Variants in DOCK7 observed in about 807,000 individuals in gnomAD.
DOCK7 encodes the protein dedicator of cytokinesis protein 7.
Under a neutral mutation model 271.0 loss-of-function variants are expected in DOCK7, and 138 were observed. That is an observed-to-expected ratio of 0.51 (90% confidence interval 0.44 to 0.59). DOCK7 has a LOEUF of 0.59. Among genes scored for constraint, DOCK7 ranks in the 20% least tolerant of loss-of-function variants. The probability of loss-of-function intolerance (pLI) is 0.00; values close to 1 mark genes in which losing one functional copy is unlikely to be tolerated. For missense variants in DOCK7, 2,066 were observed against 2,592.4 expected, an observed-to-expected ratio of 0.80 and a Z score of 4.41; for synonymous variants, 823 against 876.1, an observed-to-expected ratio of 0.94 and a Z score of 1.07.
intron 44 of DOCK7, 92 bp from the exon 45 acceptor site, chr1:62,476,248 A>T (rs1255941397): frequency 1.2e-6 from 1 of 816,170 alleles, no homozygotes; most frequent in Admixed American, 2.6e-5. Flanking sequence ...AAATTAGGAG[A>T]ATTAGTGAGT....
At chr1:62,464,671 G>T (rs977053748) in intron 48 of DOCK7, among the ~76,000 whole-genome samples, 2 of 151,334 alleles carry the variant, frequency 1.3e-5, no homozygotes, top group Admixed American at 6.6e-5. Flanking sequence ...GACAGAGAGA[G>T]AATCCATCCC....
At chr1:62,602,152 T>C in intron 14 of DOCK7, 1 of 751,340 alleles carries the variant, frequency 1.3e-6, no homozygotes, top group Non-Finnish European at 2.1e-6. Context: ...TAATAAATAA[T>C]AAAATGTATT....
intron 23 of DOCK7, among the ~76,000 whole-genome samples, chr1:62,544,652 C>T (rs1645642194): frequency 6.6e-6 from 1 of 151,918 alleles, no homozygotes; most frequent in African/African-American, 2.4e-5. Flanking sequence ...ACGTGCTACC[C>T]CTAAAGAAGA....
chr1:62,591,322 GA>G lies in DOCK7; in HGVS notation c.1683-4699del, dbSNP rs1648412234. On this transcript the variant is annotated intron_variant, in intron 14 of 49. Coordinates refer to ENST00000635253, the MANE Select transcript of DOCK7 (RefSeq NM_001367561.1). ...ATAAGAACTTATGAACACAAAGAAG[GA>G]AAAAACAGACACAGGGGTCTACCTG... Among the ~76,000 whole-genome samples the G allele has an allele frequency of 2.0e-5, 3 of 152,072 alleles. No individual in the cohort carries two copies. In the South Asian group the frequency reaches 6.2e-4, roughly 32 times the overall value.
chr1:62,510,481 T>C, intron 34 of DOCK7, 96 bp downstream of exon 34: 2 of 819,244 alleles, frequency 2.4e-6, no homozygotes, highest in Middle Eastern at 3.1e-4. Context: ...TAAGTGTAAA[T>C]ACTAAATGTA....
Position 62,513,869 on chromosome 1 carries a change from T to C in DOCK7, c.3966A>G (p.Ala1322=). 1 of 1,614,014 alleles carries C rather than the reference T, an allele frequency of 6.2e-7. No individual in the cohort carries two copies. Among genetic ancestry groups the C allele is most frequent in the Non-Finnish European group, 8.5e-7 (1 of 1,179,944 alleles). Residue 1322 remains alanine, a synonymous_variant, in exon 32 of 50, where the codon GCA becomes GCG. Transcript: ENST00000635253. ...AGATCAAAAGGCTTCGACTTGATTC[T>C]GCTGAAAAGGTAGTGTGTTGCCTGC... is the stretch of plus-strand genomic sequence containing the variant. ...TSGRQHTTFS[A]ESSRSLLICL...
intron 14 of DOCK7, chr1:62,603,931 CTTAA>C (rs1650532072): frequency 6.2e-7 from 1 of 1,601,560 alleles, no homozygotes; most frequent in African/African-American, 1.3e-5. Flanking sequence ...CCAACCTGTA[CTTAA>C]TAACTCACAG....
At chr1:62,490,139 T>C (rs1646419605) in intron 41 of DOCK7, among the ~76,000 whole-genome samples, 2 of 150,248 alleles carry the variant, frequency 1.3e-5, no homozygotes, top group South Asian at 4.2e-4. Context: ...GGTGTGATCA[T>C]AGCTCACTAC....
chr1:62,588,086 T>C (rs531791872), intron 14 of DOCK7, among the ~76,000 whole-genome samples: 1 of 152,042 alleles, frequency 6.6e-6, no homozygotes, highest in Non-Finnish European at 1.5e-5. Flanking sequence ...TCAAAACATA[T>C]AAAAGGCAAA....
rs1462974519 is a variant in DOCK7 at position 62,688,281 on chromosome 1, G to GTGA, written c.-18_-17insTCA. On this transcript the variant is annotated 5_prime_UTR_variant, in exon 1 of 50. Transcript: ENST00000635253. Reference sequence around the variant, plus strand: ...CTCGGCCATGGCTGCTGCGGCGACGGCGACGGCGGCGGCGGCTGCGGCGGG... The same window carrying GTGA: ...CTCGGCCATGGCTGCTGCGGCGACGGTGACGACGGCGGCGGCGGCTGCGGCGGG... 2.4e-5 allele frequency: 30 copies of GTGA among 1,273,868 alleles called. 1 individual carries two copies. The highest frequency in any genetic ancestry group is 2.4e-4 in the African/African-American group (15 of 63,804). The allele number at this position is 1,273,868 out of a possible 1,614,324, so 78.9% of individuals were successfully genotyped here. A position where few individuals can be genotyped will look rare whatever the true frequency, so the allele number is the denominator to read the frequency against.
intron 43 of DOCK7, chr1:62,484,859 G>C (rs1335319105): frequency 6.6e-6 from 1 of 152,010 alleles, no homozygotes; most frequent in Non-Finnish European, 1.5e-5. Context: ...ATGCTTTTAG[G>C]CTGGGCATGG....
At chr1:62,574,337 G>A (rs1344592963) in intron 18 of DOCK7, among the ~76,000 whole-genome samples, 4 of 152,134 alleles carry the variant, frequency 2.6e-5, no homozygotes, top group Non-Finnish European at 5.9e-5. Flanking sequence ...ATTCTTGCTG[G>A]AGAAAACTGT....
chr1:62,480,472 G>T (rs1646088213), intron 43 of DOCK7, among the ~76,000 whole-genome samples: 1 of 152,052 alleles, frequency 6.6e-6, no homozygotes, highest in Non-Finnish European at 1.5e-5. Context: ...AAAACAAAGG[G>T]ATATATGCTA....
chr1:62,465,458 T>C (rs1645649068), intron 48 of DOCK7, among the ~76,000 whole-genome samples: 1 of 143,482 alleles, frequency 7.0e-6, no homozygotes, highest in Non-Finnish European at 1.5e-5. Context: ...TCAAGATATA[T>C]GAATCCAGTG....
chr1:62,558,241 T>G (rs1400825544), intron 20 of DOCK7, among the ~76,000 whole-genome samples: 1 of 152,148 alleles, frequency 6.6e-6, no homozygotes, highest in Non-Finnish European at 1.5e-5. Flanking sequence ...TTAATCTCCT[T>G]GGAATAATAT....
At chr1:62,625,459 T>A in intron 11 of DOCK7, 58 bp from the exon 12 acceptor site, 1 of 1,508,828 alleles carries the variant, frequency 6.6e-7, no homozygotes, top group Non-Finnish European at 9.0e-7. Context: ...TGTTTTAAAG[T>A]AGCTTTCCAA....
In DOCK7 at chr1:62,547,357, T is replaced by G. The variant is rs187492442; in HGVS notation, c.2767-2318A>C. ...ATATAATAACTTTATGTTTACCAAT[T>G]TCCAACAAACATGGAACAGATTAAC... On this transcript the variant is annotated intron_variant, in intron 22 of 49. Coordinates refer to ENST00000635253, the MANE Select transcript of DOCK7 (RefSeq NM_001367561.1). Among the ~76,000 whole-genome samples the G allele has an allele frequency of 4.6e-5, 7 of 152,336 alleles. No homozygotes were observed. In the East Asian group the frequency reaches 1.2e-3, roughly 25 times the overall value.
intron 15 of DOCK7, among the ~76,000 whole-genome samples, chr1:62,583,653 C>CA (rs980965138): frequency 1.1e-4 from 17 of 152,070 alleles, no homozygotes; most frequent in African/African-American, 4.1e-4. Flanking sequence ...ACTAAAACAG[C>CA]AGAGTCATTC....
intron 2 of DOCK7, among the ~76,000 whole-genome samples, chr1:62,661,910 C>A (rs912803663): frequency 6.6e-6 from 1 of 152,108 alleles, no homozygotes; most frequent in Non-Finnish European, 1.5e-5. Context: ...ACACCAAGAG[C>A]ATTTTGGAAG....
Sources: gnomAD v4.1 joint callset for allele counts (sites outside exome capture counted in the v4.1 genomes callset) on GRCh38, gnomAD v4.1.1 for gene constraint, MANE v1.5 for transcripts, NCBI Gene and HGNC (gene_info 2026-07-23, HGNC 2026-07-21) for gene names.